Variants in MACROD1 observed in about 807,000 individuals in gnomAD.
MACROD1 encodes mono-ADP ribosylhydrolase 1, also known as ADP-ribose glycohydrolase MACROD1.
Under a neutral mutation model 41.4 loss-of-function variants are expected in MACROD1, and 31 were observed. The ratio of observed to expected loss-of-function variants is 0.75; its 90% confidence interval spans 0.56 to 1.01. The LOEUF (loss-of-function observed/expected upper bound fraction) is 1.01. MACROD1 is among the 50% of genes least tolerant of loss of function. The probability of loss-of-function intolerance (pLI) is 0.00; values close to 1 mark genes in which losing one functional copy is unlikely to be tolerated. For synonymous variants in MACROD1, 252 were observed against 203.4 expected (o/e 1.24, Z -2.03); for missense variants, 473 against 460.0 (o/e 1.03, Z -0.26).
chr11:64,157,877 A>G (rs1945693324), intron 1 of MACROD1, among the ~76,000 whole-genome samples: 2 of 152,150 alleles, frequency 1.3e-5, no homozygotes, highest in African/African-American at 4.8e-5. Flanking sequence ...CAGGGGCATT[A>G]ATCACCTGCG....
intron 3 of MACROD1, among the ~76,000 whole-genome samples, chr11:64,065,517 C>T (rs920393729): frequency 1.6e-4 from 25 of 152,226 alleles, no homozygotes; most frequent in South Asian, 1.0e-3. Flanking sequence ...GGGCCAGGCG[C>T]GGTGGCTCAT....
At chr11:64,029,094 G>C (rs1190088305) in intron 3 of MACROD1, among the ~76,000 whole-genome samples, 1 of 152,242 alleles carries the variant, frequency 6.6e-6, no homozygotes, top group Non-Finnish European at 1.5e-5. Flanking sequence ...AGCTTTATTG[G>C]CATCTGTTGG....
chr11:64,125,482 C>T lies in MACROD1; in HGVS notation c.517+25757G>A, dbSNP rs139612658. Among the ~76,000 whole-genome samples, 118 of 152,342 alleles carry T rather than the reference C, an allele frequency of 7.7e-4. 1 individual carries two copies. The East Asian group carries it at 0.022, about 28-fold the overall frequency. The stretch of plus-strand genomic sequence containing the variant: ...AGGCCGCCTCCTCCTCTCACTTCCT[C>T]CCCAGTTGCCATCTGCCCACTCATT... On this transcript the variant is annotated intron_variant, in intron 3 of 10. Coordinates refer to ENST00000255681, the MANE Select transcript of MACROD1 (RefSeq NM_014067.4).
At chr11:64,164,586 G>A (rs768131602) in intron 1 of MACROD1, among the ~76,000 whole-genome samples, 1 of 152,240 alleles carries the variant, frequency 6.6e-6, no homozygotes, top group Non-Finnish European at 1.5e-5. Flanking sequence ...GCTAAAGTCG[G>A]TGCTTTCTGC....
At chr11:64,137,007 G>T (rs1266264252) in intron 3 of MACROD1, among the ~76,000 whole-genome samples, 1 of 152,254 alleles carries the variant, frequency 6.6e-6, no homozygotes, top group African/African-American at 2.4e-5. Context: ...AGCCGCCTGT[G>T]TGATTCCTAA....
At chr11:64,126,184 C>T (rs1945177501) in intron 3 of MACROD1, among the ~76,000 whole-genome samples, 1 of 152,152 alleles carries the variant, frequency 6.6e-6, no homozygotes. Context: ...CTCCACACCC[C>T]ACACCGCCAG....
At chr11:64,018,293 G>A (rs2134345596) in intron 3 of MACROD1, among the ~76,000 whole-genome samples, 1 of 152,296 alleles carries the variant, frequency 6.6e-6, no homozygotes. Context: ...GGGTGGGGGG[G>A]CTCTGGGGGT....
chr11:64,151,186 G>C, intron 3 of MACROD1, 53 bp downstream of exon 3: 1 of 1,488,844 alleles, frequency 6.7e-7, no homozygotes, highest in South Asian at 1.1e-5. Flanking sequence ...CAGCAGAGCA[G>C]AGCAAAGGCA....
At position 64,090,241 on chromosome 11, in the gene MACROD1, G is replaced by C. The variant is rs917427359; in HGVS notation, c.517+60998C>G. On this transcript the variant is annotated intron_variant, in intron 3 of 10. Transcript: ENST00000255681. The surrounding 1 kb of genome is among the most constrained non-coding windows in gnomAD (Gnocchi z 4.7). ...TGTGGGAAAGGCCAACGGGCGTGTG[G>C]GTCTCCAGCCTTTGCTCATCCTCGG... 6.6e-6 allele frequency among the ~76,000 whole-genome samples: 1 copy of C among 152,148 alleles called. No homozygotes were observed. Among genetic ancestry groups the C allele is most frequent in the Non-Finnish European group, 1.5e-5 (1 of 68,026 alleles).
intron 4 of MACROD1, among the ~76,000 whole-genome samples, chr11:64,003,494 CAG>C: frequency 6.6e-6 from 1 of 152,318 alleles, no homozygotes; most frequent in South Asian, 2.1e-4. Context: ...GCTGGGATTA[CAG>C]ATGTGAGCCT....
At chr11:64,077,588 T>C (rs1168927116) in intron 3 of MACROD1, among the ~76,000 whole-genome samples, 1 of 152,116 alleles carries the variant, frequency 6.6e-6, no homozygotes, top group East Asian at 1.9e-4. Flanking sequence ...TGTGCACACA[T>C]TCCACCTAGA....
intron 3 of MACROD1, among the ~76,000 whole-genome samples, chr11:64,089,260 A>G (rs891131430): frequency 6.6e-6 from 1 of 152,166 alleles, no homozygotes; most frequent in Non-Finnish European, 1.5e-5. Context: ...GTGGGGGAGC[A>G]GGGCTTGGTG....
intron 3 of MACROD1, among the ~76,000 whole-genome samples, chr11:64,071,895 C>A (rs1196414011): frequency 6.6e-6 from 1 of 152,188 alleles, no homozygotes; most frequent in African/African-American, 2.4e-5. Context: ...GAGGGCGCCT[C>A]AAGAAGCAAC....
intron 3 of MACROD1, among the ~76,000 whole-genome samples, chr11:64,099,606 G>A (rs1206897984): frequency 6.6e-6 from 1 of 151,912 alleles, no homozygotes; most frequent in African/African-American, 2.4e-5. Context: ...ATGGAAGGAT[G>A]AATACAGAGA....
chr11:64,035,829 C>G (rs1590819618), intron 3 of MACROD1: 1 of 138,012 alleles, frequency 7.2e-6, no homozygotes, highest in East Asian at 2.1e-4. Context: ...TCCCCGCGCC[C>G]TGCTCGCCGC....
chr11:64,019,231 T>C (rs1424915808), intron 3 of MACROD1, among the ~76,000 whole-genome samples: 1 of 152,154 alleles, frequency 6.6e-6, no homozygotes, highest in Non-Finnish European at 1.5e-5. Context: ...CCCGAGGACA[T>C]GCCTGCGCCA....
intron 3 of MACROD1, among the ~76,000 whole-genome samples, chr11:64,026,279 C>T (rs998637633): frequency 6.6e-6 from 1 of 152,170 alleles, no homozygotes; most frequent in Non-Finnish European, 1.5e-5. Context: ...CCTGCCTCAG[C>T]CTCCCTAAGG....
chr11:64,102,812 G>A (rs1310994062), intron 3 of MACROD1, among the ~76,000 whole-genome samples: 5 of 152,130 alleles, frequency 3.3e-5, no homozygotes, highest in Non-Finnish European at 7.4e-5. Context: ...GCTCATGCCT[G>A]TAATCCCATC....
In MACROD1 at chr11:64,131,615, C is replaced by T. The variant is rs555389368; in HGVS notation, c.517+19624G>A. Among the ~76,000 whole-genome samples, 156 of 152,256 alleles carry T rather than the reference C, an allele frequency of 1.0e-3. 3 individuals are homozygous for T. In the South Asian group the frequency reaches 0.028, roughly 27 times the overall value. ...TGCTGGGATTACAGGAGTGAGCCAC[C>T]GCGCCCAGCCCCTCAGGATGTTTTC... is the stretch of plus-strand genomic sequence containing the variant. On this transcript the variant is annotated intron_variant, in intron 3 of 10. Transcript: ENST00000255681.
Sources: gnomAD v4.1 joint callset for allele counts (sites outside exome capture counted in the v4.1 genomes callset) on GRCh38, gnomAD v4.1.1 for gene constraint, Gnocchi (gnomAD v3.1) non-coding constraint, MANE v1.5 for transcripts, NCBI Gene and HGNC (gene_info 2026-07-23, HGNC 2026-07-21) for gene names.